LPAR3: variants seen among roughly 807,000 people sequenced by gnomAD.
LPAR3 encodes lysophosphatidic acid receptor 3, also known as LPA receptor 3.
A neutral mutation model predicts 17.8 loss-of-function variants in LPAR3; 7 were observed. That is an observed-to-expected ratio of 0.39 (90% CI 0.22 to 0.74). The LOEUF is 0.74. LPAR3 is among the 30% of genes least tolerant of loss of function. LPAR3 has a pLI of 0.40. For missense variants in LPAR3, 391 were observed against 453.4 expected, an observed-to-expected ratio of 0.86 and a Z score of 1.25; for synonymous variants, 179 against 179.9, an observed-to-expected ratio of 0.99 and a Z score of 0.04.
At chr1:84,884,051 A>T (rs1346665212) in intron 1 of LPAR3, among the ~76,000 whole-genome samples, 1 of 152,250 alleles carries the variant, frequency 6.6e-6, no homozygotes, top group Non-Finnish European at 1.5e-5. Flanking sequence ...GTTCCAGCTC[A>T]CAGCCTATGC....
At chr1:84,891,837 TTCG>T (rs1660557263) in intron 1 of LPAR3, among the ~76,000 whole-genome samples, 1 of 152,128 alleles carries the variant, frequency 6.6e-6, no homozygotes, top group African/African-American at 2.4e-5. Flanking sequence ...TAATGCTACT[TTCG>T]GAGGAAAAGG....
intron 2 of LPAR3, among the ~76,000 whole-genome samples, chr1:84,838,633 A>T (rs1659448435): frequency 6.6e-6 from 1 of 152,230 alleles, no homozygotes; most frequent in African/African-American, 2.4e-5. Context: ...TTTAATAGCC[A>T]AATGGCCTTC....
Position 84,866,648 on chromosome 1 carries a change from T to G in LPAR3, c.-18-510A>C, listed in dbSNP as rs180996800. Among the ~76,000 whole-genome samples, 16 of 152,302 alleles carry G rather than the reference T, an allele frequency of 1.1e-4. No homozygotes were observed. The East Asian group carries it at 2.9e-3, about 28-fold the overall frequency. On this transcript the variant is annotated intron_variant, in intron 1 of 2. Transcript: ENST00000370611. ...TCAACGGCAGGTTGGTAATTTCAGG[T>G]ACATTCTTCCCAAGATAATAGGAGT...
chr1:84,829,342 T>C (rs1231881479), intron 2 of LPAR3, among the ~76,000 whole-genome samples: 3 of 151,788 alleles, frequency 2.0e-5, no homozygotes, highest in Non-Finnish European at 2.9e-5. Context: ...ATTCCATGAG[T>C]CTGGAATGGG....
intron 2 of LPAR3, among the ~76,000 whole-genome samples, chr1:84,827,250 T>C (rs1010518855): frequency 1.3e-5 from 2 of 152,226 alleles, no homozygotes; most frequent in African/African-American, 4.8e-5. Flanking sequence ...TATTGTACTA[T>C]ACACTGAGCC....
At chr1:84,887,591 A>G (rs1020426404) in intron 1 of LPAR3, among the ~76,000 whole-genome samples, 3 of 152,200 alleles carry the variant, frequency 2.0e-5, no homozygotes, top group Admixed American at 6.5e-5. Context: ...TGGCGAATTT[A>G]AGGTGAAGAA....
At chr1:84,867,010 T>C (rs895606700) in intron 1 of LPAR3, among the ~76,000 whole-genome samples, 1 of 152,134 alleles carries the variant, frequency 6.6e-6, no homozygotes, top group Non-Finnish European at 1.5e-5. Context: ...TCCAACTCAA[T>C]GTGGATGTGA....
chr1:84,870,016 C>T (rs575968066), intron 1 of LPAR3, among the ~76,000 whole-genome samples: 5 of 152,190 alleles, frequency 3.3e-5, no homozygotes, highest in Non-Finnish European at 4.4e-5. Context: ...CCCCAGTACA[C>T]GTTATCTACA....
At chr1:84,825,403 G>T (rs1659136712) in intron 2 of LPAR3, among the ~76,000 whole-genome samples, 1 of 152,208 alleles carries the variant, frequency 6.6e-6, no homozygotes, top group African/African-American at 2.4e-5. Context: ...AGACAGAGGA[G>T]TAAATGATTC....
In LPAR3 at chr1:84,872,875, C is replaced by T. The variant is rs1440741033; in HGVS notation, c.-18-6737G>A. On this transcript the variant is annotated intron_variant, in intron 1 of 2. Transcript: ENST00000370611. ...ACATCAACAGTGATAAGTCATATTG[C>T]TAGTCTGTAATCTTGATAAGATGTA... Among the ~76,000 whole-genome samples the T allele has an allele frequency of 1.1e-3, 171 of 152,162 alleles. 1 individual carries two copies. The highest frequency in any genetic ancestry group is 1.2e-4 in the Non-Finnish European group (8 of 68,042).
Position 84,865,389 on chromosome 1 carries a change from G to C in LPAR3, c.732C>G (p.Val244=), listed in dbSNP as rs1302690552. Residue 244 remains valine (V), a synonymous_variant, in exon 2 of 3, where the codon GTC becomes GTG. Transcript: ENST00000370611. ...PMKLMKTVMT[V]LGAFVVCWTP... ...TGCTTGGGTCCTCTTACCTACCTAA[G>C]ACAGTCATCACCGTCTTCATTAGCT... is the stretch of plus-strand genomic sequence containing the variant. 2 of 1,610,024 alleles carry C rather than the reference G, an allele frequency of 1.2e-6. No individual in the cohort carries two copies. Among genetic ancestry groups the C allele is most frequent in the East Asian group, 2.2e-5 (1 of 44,850 alleles).
Position 84,865,540 on chromosome 1 carries a change from G to A in LPAR3, c.581C>T (p.Ser194Phe). The part of the protein sequence containing the change: ...SRSYLVFWTV[S>F]NLMAFLIMVV... ...CATGATGAGGAAGGCCATGAGGTTG[G>A]ACACTGTCCAGAAAACAAGGTAACT... Residue 194 changes from serine (S) to phenylalanine (F), a missense_variant, in exon 2 of 3, where the codon TCC becomes TTC. Coordinates refer to ENST00000370611, the MANE Select transcript of LPAR3 (RefSeq NM_012152.3). The A allele has an allele frequency of 1.2e-6, 2 of 1,614,198 alleles. No homozygotes were observed. Among genetic ancestry groups the A allele is most frequent in the Non-Finnish European group, 8.5e-7 (1 of 1,180,046 alleles).
intron 2 of LPAR3, among the ~76,000 whole-genome samples, chr1:84,814,632 A>G (rs898216561): frequency 3.9e-5 from 6 of 152,222 alleles, no homozygotes; most frequent in African/African-American, 1.4e-4. Context: ...CTGTTACAGA[A>G]ATCAGATTTT....
intron 2 of LPAR3, among the ~76,000 whole-genome samples, chr1:84,828,268 G>C (rs1659204151): frequency 6.6e-6 from 1 of 151,936 alleles, no homozygotes. Context: ...GCTTTTTTAT[G>C]CTTTTTGCTG....
chr1:84,831,486 T>G (rs1328188096), intron 2 of LPAR3, among the ~76,000 whole-genome samples: 1 of 152,028 alleles, frequency 6.6e-6, no homozygotes, highest in African/African-American at 2.4e-5. Context: ...AATTAAATCT[T>G]AAAACATATA....
intron 2 of LPAR3, among the ~76,000 whole-genome samples, chr1:84,823,880 T>C (rs1570858370): frequency 6.6e-6 from 1 of 152,288 alleles, no homozygotes; most frequent in East Asian, 1.9e-4. Context: ...ATTTGCCTGG[T>C]ATAATCTTAA....
At chr1:84,890,509 G>A (rs1660533062) in intron 1 of LPAR3, among the ~76,000 whole-genome samples, 1 of 152,196 alleles carries the variant, frequency 6.6e-6, no homozygotes, top group Admixed American at 6.6e-5. Context: ...AGGAAATTAA[G>A]ACTTAGAGAG....
intron 2 of LPAR3, among the ~76,000 whole-genome samples, chr1:84,841,998 G>GA (rs1010459221): frequency 3.1e-4 from 46 of 149,042 alleles, no homozygotes; most frequent in South Asian, 8.4e-4. Context: ...AAGCAGGACA[G>GA]AAAAAAAAAA....
At position 84,813,159 on chromosome 1, in the gene LPAR3, A is replaced by ATATG. The variant is rs59691846; in HGVS notation, c.*686_*687insCATA. 16 of 97,560 alleles carry ATATG rather than the reference A, an allele frequency of 1.6e-4. No individual in the cohort carries two copies. Among genetic ancestry groups the ATATG allele is most frequent in the African/African-American group, 6.1e-4 (16 of 26,128 alleles). 6.0% of individuals were successfully genotyped at this position (97,560 alleles called of 1,614,324 possible). On this transcript the variant is annotated 3_prime_UTR_variant, in exon 3 of 3. Coordinates refer to ENST00000370611, the MANE Select transcript of LPAR3 (RefSeq NM_012152.3). ...TATATATATATATATATATATATAT[A>ATATG]GACACACACACACACACACACACAC... is the stretch of plus-strand genomic sequence containing the variant.
Sources: allele counts gnomAD v4.1 joint callset (sites outside exome capture counted in the v4.1 genomes callset), GRCh38; gene constraint gnomAD v4.1.1; transcripts MANE v1.5; gene names NCBI Gene and HGNC (gene_info 2026-07-23, HGNC 2026-07-21).